The following METRNL variants were observed in gnomAD, a reference collection of about 807,000 sequenced individuals.
METRNL encodes the protein meteorin like, glial cell differentiation regulator.
METRNL carries 9 observed loss-of-function variants against 17.4 expected under a neutral mutation model. The ratio of observed to expected loss-of-function variants is 0.52; its 90% CI spans 0.31 to 0.90. METRNL has a LOEUF of 0.90. Among genes scored for constraint, METRNL ranks in the 40% least tolerant of loss-of-function variants. METRNL has a pLI of 0.05. For synonymous variants in METRNL, 215 were observed against 199.3 expected, an observed-to-expected ratio of 1.08 and a Z score of -0.66; for missense variants, 408 against 430.7, an observed-to-expected ratio of 0.95 and a Z score of 0.47.
intron 2 of METRNL, among the ~76,000 whole-genome samples, chr17:83,085,811 A>G (rs900779228): frequency 6.6e-6 from 1 of 152,148 alleles, no homozygotes; most frequent in Non-Finnish European, 1.5e-5. Context: ...TTGCCATTCA[A>G]ACTGCCCTGG....
intron 2 of METRNL, among the ~76,000 whole-genome samples, chr17:83,086,334 C>T (rs1435267752): frequency 6.6e-6 from 1 of 152,192 alleles, no homozygotes; most frequent in African/African-American, 2.4e-5. Context: ...TGCCCCGAGT[C>T]CCAGCTGGCC....
chr17:83,088,795 C>G (rs2038082404), intron 2 of METRNL, among the ~76,000 whole-genome samples: 1 of 151,100 alleles, frequency 6.6e-6, no homozygotes, highest in Admixed American at 6.6e-5. Context: ...GAGCCCCCTC[C>G]AGGAGCCTCA....
In METRNL at chr17:83,079,956, C is replaced by G; in HGVS notation, c.141C>G (p.Tyr47Ter). The G allele has an allele frequency of 9.9e-7, 1 of 1,014,686 alleles. No homozygotes were observed. Among genetic ancestry groups the G allele is most frequent in the Non-Finnish European group, 1.2e-6 (1 of 850,576 alleles). The allele number at this position is 1,014,686 out of a possible 1,614,324, so 62.9% of individuals were successfully genotyped here. The change falls in exon 1 of 4, where the codon TAC (tyrosine) becomes TAG (stop). Residue 47 changes from tyrosine to a stop codon, truncating the protein, a stop_gained. Coordinates refer to ENST00000320095, the MANE Select transcript of METRNL (RefSeq NM_001004431.3). LOFTEE classifies it high-confidence loss of function. Reference protein sequence around the residue: ...AGLLGGAGAQYSSDRCSWKGS... With the variant: ...AGLLGGAGAQ The stretch of plus-strand genomic sequence containing the variant: ...TGCTGGGCGGCGCGGGCGCGCAGTA[C>G]TCCAGCGACCGGTGCAGCTGGAAGG...
chr17:83,082,781 G>C (rs780377004), intron 1 of METRNL, among the ~76,000 whole-genome samples: 4 of 152,200 alleles, frequency 2.6e-5, no homozygotes, highest in Non-Finnish European at 5.9e-5. Flanking sequence ...CATGAGTCTC[G>C]GACTTCGTGC....
Position 83,085,333 on chromosome 17 carries a change from C to T in METRNL, c.556+10C>T. ...CTGCACGAGCTGTCTGGTGAGTGTC[C>T]TGCCTGGGGCGGGGGCGGCGGGCCT... is the stretch of plus-strand genomic sequence containing the variant. On this transcript the variant is annotated intron_variant, in intron 2 of 3. Transcript: ENST00000320095. The T allele has an allele frequency of 6.6e-7, 1 of 1,514,104 alleles. No individual in the cohort carries two copies. The highest frequency in any genetic ancestry group is 1.4e-5 in the African/African-American group (1 of 71,758). 93.8% of individuals were successfully genotyped at this position (1,514,104 alleles called of 1,614,324 possible).
At chr17:83,082,263 G>A (rs2037998746) in intron 1 of METRNL, 1 of 985,322 alleles carries the variant, frequency 1.0e-6, no homozygotes, top group South Asian at 4.7e-5. Flanking sequence ...CTGCCAGTGG[G>A]TTCGAAGCCC....
At chr17:83,087,684 G>A (rs971324727) in intron 2 of METRNL, among the ~76,000 whole-genome samples, 1 of 152,186 alleles carries the variant, frequency 6.6e-6, no homozygotes, top group East Asian at 1.9e-4. Context: ...AGCACTCTCC[G>A]GCCAGCGCCG....
intron 2 of METRNL, 103 bp from the exon 3 acceptor site, chr17:83,093,064 C>A: frequency 1.1e-6 from 1 of 951,022 alleles, no homozygotes; most frequent in South Asian, 1.4e-5. Flanking sequence ...GACACCCTCC[C>A]TGACTTGGCT....
In METRNL at chr17:83,085,274, G is replaced by C. The variant is rs148087438; in HGVS notation, c.507G>C (p.Gln169His). The part of the protein sequence containing the change: ...QDIGRRTTGF[Q>H]YELVRRHRAS... Reference sequence around the variant, plus strand: ...TCGGCCGGAGGACCACAGGCTTCCAGTACGAGCTGGTTAGGAGGCACAGGG... The same window carrying C: ...TCGGCCGGAGGACCACAGGCTTCCACTACGAGCTGGTTAGGAGGCACAGGG... Residue 169 changes from glutamine (Q) to histidine (H), a missense_variant, in exon 2 of 4, where the codon CAG (glutamine) becomes CAC (histidine). Gln to His is a conservative substitution (Grantham distance 24, BLOSUM62 0). Coordinates refer to ENST00000320095, the MANE Select transcript of METRNL (RefSeq NM_001004431.3). The C allele has an allele frequency of 1.3e-6, 2 of 1,556,688 alleles. No individual in the cohort carries two copies. Among genetic ancestry groups the C allele is most frequent in the Non-Finnish European group, 1.7e-6 (2 of 1,149,998 alleles).
intron 1 of METRNL, among the ~76,000 whole-genome samples, chr17:83,081,213 G>A (rs1188273464): frequency 1.3e-5 from 2 of 151,984 alleles, no homozygotes; most frequent in Non-Finnish European, 2.9e-5. Context: ...CGCCGGCGCC[G>A]GGAGCCTCCG....
intron 2 of METRNL, among the ~76,000 whole-genome samples, chr17:83,085,645 T>C (rs1331783205): frequency 1.3e-5 from 2 of 152,176 alleles, no homozygotes; most frequent in Non-Finnish European, 2.9e-5. Context: ...TCTGGGTTAG[T>C]GTTTCGGGCG....
chr17:83,082,270 G>A, intron 1 of METRNL: 1 of 985,378 alleles, frequency 1.0e-6, no homozygotes, highest in Non-Finnish European at 1.2e-6. Flanking sequence ...TGGGTTCGAA[G>A]CCCTTCCTGA....
Position 83,094,586 on chromosome 17 carries a change from C to T in METRNL, c.*11C>T, listed in dbSNP as rs370034323. ...GTTGGCACGGACTGACTCCGTGGGC[C>T]GCTGCCCTTCCTCTCCTGATGAGTC... On this transcript the variant is annotated 3_prime_UTR_variant, in exon 4 of 4. Transcript: ENST00000320095. 6.3e-6 allele frequency: 9 copies of T among 1,435,226 alleles called. No individual in the cohort carries two copies. The highest frequency in any genetic ancestry group is 2.6e-5 in the East Asian group (1 of 38,436). The allele number at this position is 1,435,226 out of a possible 1,614,324, so 88.9% of individuals were successfully genotyped here. A position where few individuals can be genotyped will look rare whatever the true frequency, so the allele number is the denominator to read the frequency against.
chr17:83,094,151 C>G, intron 3 of METRNL, 105 bp from the exon 4 acceptor site: 1 of 961,242 alleles, frequency 1.0e-6, no homozygotes, highest in Non-Finnish European at 1.5e-6. Context: ...CGGGGGTCAG[C>G]TGCCCGTTCC....
chr17:83,090,626 C>T (rs1296830544), intron 2 of METRNL, among the ~76,000 whole-genome samples: 2 of 150,024 alleles, frequency 1.3e-5, no homozygotes, highest in Admixed American at 1.3e-4. Context: ...GGCTGCCCAG[C>T]CGGAGGGTGC....
chr17:83,094,531 GC>G lies in METRNL; in HGVS notation c.895del (p.Gln299ArgfsTer5). 6.5e-7 allele frequency: 1 copy of G among 1,528,186 alleles called. No individual in the cohort carries two copies. 94.7% of individuals were successfully genotyped at this position (1,528,186 alleles called of 1,614,324 possible). On this transcript the variant is annotated frameshift_variant, in exon 4 of 4. Coordinates refer to ENST00000320095, the MANE Select transcript of METRNL (RefSeq NM_001004431.3). LOFTEE classifies it high-confidence loss of function. ...FKDFQRMYRD[A>X]QERGLNPCEV... Reference sequence around the variant, plus strand: ...GGACTTCCAGAGGATGTACAGGGATGCCCAGGAGAGGGGGCTGAACCCTTGT... The same window carrying G: ...GGACTTCCAGAGGATGTACAGGGATGCCAGGAGAGGGGGCTGAACCCTTGT...
At chr17:83,092,225 G>A (rs949282802) in intron 2 of METRNL, among the ~76,000 whole-genome samples, 2 of 152,218 alleles carry the variant, frequency 1.3e-5, no homozygotes, top group African/African-American at 2.4e-5. Flanking sequence ...GGTGGCATCC[G>A]GGGAAGGGGC....
intron 2 of METRNL, among the ~76,000 whole-genome samples, chr17:83,090,563 C>T (rs1212802239): frequency 7.1e-6 from 1 of 140,192 alleles, no homozygotes; most frequent in East Asian, 2.2e-4. Context: ...GGACTTCCGG[C>T]ACCTCCTGCC....
At chr17:83,083,580 G>A (rs1226574760) in intron 1 of METRNL, among the ~76,000 whole-genome samples, 3 of 152,190 alleles carry the variant, frequency 2.0e-5, no homozygotes. Flanking sequence ...TGTTCTGGGT[G>A]TGTGATCCTG....
Sources: allele counts gnomAD v4.1 joint callset (sites outside exome capture counted in the v4.1 genomes callset), GRCh38; gene constraint gnomAD v4.1.1; transcripts MANE v1.5; gene names NCBI Gene and HGNC (gene_info 2026-07-23, HGNC 2026-07-21).